Variants in SLC25A28 observed in about 807,000 individuals in gnomAD.
SLC25A28 encodes solute carrier family 25 member 28.
SLC25A28 carries 10 observed loss-of-function variants against 31.9 expected under a neutral mutation model. That is an observed-to-expected ratio of 0.31 (90% confidence interval 0.19 to 0.53). SLC25A28 has a LOEUF of 0.53. Among genes scored for constraint, SLC25A28 ranks in the 20% least tolerant of loss-of-function variants. The pLI, the probability that SLC25A28 is intolerant of heterozygous loss-of-function variation, is 0.95. For missense variants in SLC25A28, 256 were observed against 490.3 expected, an observed-to-expected ratio of 0.52 and a Z score of 4.51; for synonymous variants, 208 against 203.6, an observed-to-expected ratio of 1.02 and a Z score of -0.19.
the SLC25A28 span, among the ~76,000 whole-genome samples, chr10:99,636,638 G>T: frequency 6.6e-6 from 1 of 152,006 alleles, no homozygotes; most frequent in African/African-American, 2.4e-5. Flanking sequence ...AAATACAAAA[G>T]ATCATTCAAG....
the SLC25A28 span, among the ~76,000 whole-genome samples, chr10:99,655,677 C>T: frequency 1.3e-5 from 2 of 152,160 alleles, no homozygotes; most frequent in Admixed American, 1.3e-4. Context: ...AATGTCTTCC[C>T]TCCTCCCTGG....
chr10:99,620,595 G>A (rs774242671), upstream of SLC25A28: 3 of 1,007,714 alleles, frequency 3.0e-6, no homozygotes, highest in Non-Finnish European at 3.6e-6. Context: ...GGCGTTGCTA[G>A]CGCCTACATC....
rs2034514738 is a variant in SLC25A28 at position 99,611,189 on chromosome 10, T to C, written c.755A>G (p.His252Arg). Residue 252 changes from histidine to arginine, a missense_variant, in exon 4 of 4, where the codon CAC becomes CGC. Physicochemically the swap from His to Arg is conservative, Grantham distance 29. Coordinates refer to ENST00000370495, the MANE Select transcript of SLC25A28 (RefSeq NM_031212.4). This position sits in a 1 kb window ranked among gnomAD's most constrained non-coding sequence, Gnocchi z 5.5. Reference protein sequence around the residue: ...HFMTYEFLQEHFNPQRRYNPS... With the variant: ...HFMTYEFLQERFNPQRRYNPS... ...GTTGTACCGTCTCTGGGGGTTAAAG[T>C]GCTCCTGCAGGAATTCATAGGTCAT... is the stretch of plus-strand genomic sequence containing the variant. 6.2e-7 allele frequency: 1 copy of C among 1,614,124 alleles called. No homozygotes were observed. Among genetic ancestry groups the C allele is most frequent in the East Asian group, 2.2e-5 (1 of 44,876 alleles).
the SLC25A28 span, among the ~76,000 whole-genome samples, chr10:99,653,672 T>G: frequency 6.6e-6 from 1 of 152,170 alleles, no homozygotes; most frequent in African/African-American, 2.4e-5. Flanking sequence ...CTCTTTTTCT[T>G]TTTTCCTTGC....
the SLC25A28 span, among the ~76,000 whole-genome samples, chr10:99,634,898 G>A: frequency 2.0e-5 from 3 of 152,196 alleles, no homozygotes; most frequent in African/African-American, 7.2e-5. Context: ...TGAGACAAAA[G>A]CACCAGGTAA....
the SLC25A28 span, among the ~76,000 whole-genome samples, chr10:99,631,878 A>ATTTTTTTTTTTT: frequency 5.4e-5 from 5 of 92,912 alleles, 1 homozygote; most frequent in Admixed American, 3.2e-4. Flanking sequence ...TCAGTATGTT[A>ATTTTTTTTTTTT]TTTTTTTTTT....
the SLC25A28 span, among the ~76,000 whole-genome samples, chr10:99,626,230 C>T: frequency 6.6e-6 from 1 of 152,138 alleles, no homozygotes; most frequent in Non-Finnish European, 1.5e-5. Context: ...CTTACAGCCA[C>T]TTAAAAAGAA....
At chr10:99,619,295 C>A (rs1407129307) in intron 1 of SLC25A28, 7 of 985,194 alleles carry the variant, frequency 7.1e-6, no homozygotes, top group Non-Finnish European at 8.4e-6. Flanking sequence ...TCCCTTTTTG[C>A]CAACTTCAGG....
Position 99,611,412 on chromosome 10 carries a change from C to A in SLC25A28, c.578-46G>T, listed in dbSNP as rs1265822242. 1.9e-6 allele frequency: 3 copies of A among 1,599,856 alleles called. No homozygotes were observed. The highest frequency in any genetic ancestry group is 1.1e-5 in the South Asian group (1 of 88,998). ...GAAGGAAATGGTGACAGCAGCCAAC[C>A]GGTGATGGAGAGTATCCAGATTCAG... On this transcript the variant is annotated intron_variant, in intron 3 of 3. Coordinates refer to ENST00000370495, the MANE Select transcript of SLC25A28 (RefSeq NM_031212.4). The surrounding 1 kb of genome is among the most constrained non-coding windows in gnomAD (Gnocchi z 5.5).
Position 99,617,091 on chromosome 10 carries a change from C to T in SLC25A28, c.291+2954G>A, listed in dbSNP as rs537466458. Reference sequence around the variant, plus strand: ...TCTTTATTATATAAGTGGATATTTGCTTTACCACTTCAGAGCCAACAACAG... The same window carrying T: ...TCTTTATTATATAAGTGGATATTTGTTTTACCACTTCAGAGCCAACAACAG... On this transcript the variant is annotated intron_variant, in intron 1 of 3. Transcript: ENST00000370495. 12 of 985,294 alleles carry T rather than the reference C, an allele frequency of 1.2e-5. No individual in the cohort carries two copies. The Admixed American group carries it at 6.1e-4, about 50-fold the overall frequency. 61.0% of individuals were successfully genotyped at this position (985,294 alleles called of 1,614,324 possible). A position where few individuals can be genotyped will look rare whatever the true frequency, so the allele number is the denominator to read the frequency against.
In SLC25A28 at chr10:99,611,791, T is replaced by G. The variant is rs1485390065; in HGVS notation, c.578-425A>C. Reference sequence around the variant, plus strand: ...TCGCATACAAAGAGCACCTAACTTTTAAAATGTGAGATGGTGATCCTCCTA... The same window carrying G: ...TCGCATACAAAGAGCACCTAACTTTGAAAATGTGAGATGGTGATCCTCCTA... On this transcript the variant is annotated intron_variant, in intron 3 of 3. Coordinates refer to ENST00000370495, the MANE Select transcript of SLC25A28 (RefSeq NM_031212.4). The surrounding 1 kb of genome is among the most constrained non-coding windows in gnomAD (Gnocchi z 5.5). 6.6e-6 allele frequency among the ~76,000 whole-genome samples: 1 copy of G among 152,162 alleles called. No individual in the cohort carries two copies. The highest frequency in any genetic ancestry group is 1.5e-5 in the Non-Finnish European group (1 of 68,026).
intron 2 of SLC25A28, among the ~76,000 whole-genome samples, chr10:99,612,934 C>T (rs994819346): frequency 1.3e-5 from 2 of 152,212 alleles, no homozygotes; most frequent in Non-Finnish European, 2.9e-5. Flanking sequence ...CAGCACATCA[C>T]CTGCCACCAG....
At position 99,620,362 on chromosome 10, in the gene SLC25A28, C is replaced by T. The variant is rs2034760654; in HGVS notation, c.-27G>A. 1 of 1,106,946 alleles carries T rather than the reference C, an allele frequency of 9.0e-7. No individual in the cohort carries two copies. The highest frequency in any genetic ancestry group is 1.1e-6 in the Non-Finnish European group (1 of 908,558). The allele number at this position is 1,106,946 out of a possible 1,614,324, so 68.6% of individuals were successfully genotyped here. ...CACCCGGGCCAGCTGCGGCGCCCAC[C>T]CCCGCCGCCGCTGCCACCACTGCCG... is the stretch of plus-strand genomic sequence containing the variant. On this transcript the variant is annotated 5_prime_UTR_variant, in exon 1 of 4. Transcript: ENST00000370495.
At chr10:99,633,045 G>A in the SLC25A28 span, among the ~76,000 whole-genome samples, 1 of 152,066 alleles carries the variant, frequency 6.6e-6, no homozygotes, top group African/African-American at 2.4e-5. Context: ...TATTTTTAGT[G>A]CTCTGTGGTA....
chr10:99,654,527 TG>T, the SLC25A28 span, among the ~76,000 whole-genome samples: 1 of 152,122 alleles, frequency 6.6e-6, no homozygotes, highest in South Asian at 2.1e-4. Flanking sequence ...CCAGGTGTGG[TG>T]ACGTGTGCCT....
chr10:99,610,680 G>A lies in SLC25A28; in HGVS notation c.*169C>T. 1.4e-6 allele frequency: 1 copy of A among 735,076 alleles called. No homozygotes were observed. The highest frequency in any genetic ancestry group is 2.2e-6 in the Non-Finnish European group (1 of 455,644). 45.5% of individuals were successfully genotyped at this position (735,076 alleles called of 1,614,324 possible). A position where few individuals can be genotyped will look rare whatever the true frequency, so the allele number is the denominator to read the frequency against. On this transcript the variant is annotated 3_prime_UTR_variant, in exon 4 of 4. Coordinates refer to ENST00000370495, the MANE Select transcript of SLC25A28 (RefSeq NM_031212.4). ...CTTAGGGCCTGGAAGGAAAGGTGGT[G>A]GCAACAGAGGTTGGCAGGAACTGGT...
At chr10:99,653,700 A>G in the SLC25A28 span, 1 of 152,044 alleles carries the variant, frequency 6.6e-6, no homozygotes, top group Non-Finnish European at 1.5e-5. Context: ...CCCCAAACCC[A>G]GTCTCTAGAG....
chr10:99,619,476 T>C, intron 1 of SLC25A28: 1 of 931,810 alleles, frequency 1.1e-6, no homozygotes, highest in Non-Finnish European at 1.3e-6. Context: ...CTTTCCCACA[T>C]TACTTCCAGT....
At position 99,620,403 on chromosome 10, in the gene SLC25A28, C is replaced by T. The variant is rs2034763072; in HGVS notation, c.-68G>A. The T allele has an allele frequency of 9.4e-7, 1 of 1,062,540 alleles. No homozygotes were observed. Among genetic ancestry groups the T allele is most frequent in the Non-Finnish European group, 1.1e-6 (1 of 880,592 alleles). The allele number at this position is 1,062,540 out of a possible 1,614,324, so 65.8% of individuals were successfully genotyped here. On this transcript the variant is annotated 5_prime_UTR_variant, in exon 1 of 4. Coordinates refer to ENST00000370495, the MANE Select transcript of SLC25A28 (RefSeq NM_031212.4). Reference sequence around the variant, plus strand: ...ACCACTGCCGCCGCCGCCCCCCGGCCCCGTAGTGTCCGCCTCAGGCGCGGC... The same window carrying T: ...ACCACTGCCGCCGCCGCCCCCCGGCTCCGTAGTGTCCGCCTCAGGCGCGGC...
Sources: allele counts gnomAD v4.1 joint callset (sites outside exome capture counted in the v4.1 genomes callset), GRCh38; gene constraint gnomAD v4.1.1; non-coding constraint Gnocchi (gnomAD v3.1); transcripts MANE v1.5; gene names NCBI Gene and HGNC (gene_info 2026-07-23, HGNC 2026-07-21).